The following SNX29 variants were observed in gnomAD, a reference collection of about 807,000 sequenced individuals.
SNX29 encodes sorting nexin-29.
SNX29 carries 78 observed loss-of-function variants against 102.1 expected under a neutral mutation model. The ratio of observed to expected loss-of-function variants is 0.76; its 90% CI spans 0.64 to 0.92. SNX29 has a LOEUF of 0.92. SNX29 is among the 40% of genes least tolerant of loss of function. The pLI, the probability that SNX29 is intolerant of heterozygous loss-of-function variation, is 0.00. For synonymous variants in SNX29, 580 were observed against 414.5 expected (o/e 1.40, Z -4.85); for missense variants, 1,280 against 1,061.7 (o/e 1.21, Z -2.86).
chr16:12,243,035 G>C (rs2078159409), intron 14 of SNX29, among the ~76,000 whole-genome samples: 2 of 152,226 alleles, frequency 1.3e-5, no homozygotes. Context: ...GGCTCCTGGG[G>C]AGTGGCAGTT....
At chr16:12,368,018 C>T (rs2082547758) in intron 16 of SNX29, among the ~76,000 whole-genome samples, 1 of 152,202 alleles carries the variant, frequency 6.6e-6, no homozygotes, top group Non-Finnish European at 1.5e-5. Flanking sequence ...GGCCAAATAC[C>T]CCAAGTGATC....
intron 3 of SNX29, among the ~76,000 whole-genome samples, chr16:12,016,941 A>G (rs1376064305): frequency 6.6e-6 from 1 of 152,074 alleles, no homozygotes; most frequent in South Asian, 2.1e-4. Flanking sequence ...AGCCTGGGCA[A>G]CATAGTGAGA....
intron 14 of SNX29, among the ~76,000 whole-genome samples, chr16:12,201,413 C>G (rs1457896192): frequency 1.3e-5 from 2 of 152,270 alleles, no homozygotes; most frequent in East Asian, 3.9e-4. Context: ...CTCAAATGTA[C>G]TCTGATTTGA....
intron 20 of SNX29, among the ~76,000 whole-genome samples, chr16:12,544,970 G>A (rs534816790): frequency 1.6e-4 from 25 of 152,326 alleles, no homozygotes; most frequent in Admixed American, 2.6e-4. Flanking sequence ...CAGGCTCAGA[G>A]AGATTGAGTA....
chr16:12,365,155 T>C (rs1372206077), intron 16 of SNX29, among the ~76,000 whole-genome samples: 1 of 152,138 alleles, frequency 6.6e-6, no homozygotes, highest in Non-Finnish European at 1.5e-5. Flanking sequence ...TTATTTTATG[T>C]TTTCCAATTT....
intron 13 of SNX29, among the ~76,000 whole-genome samples, chr16:12,154,843 C>G (rs759171709): frequency 6.6e-6 from 1 of 152,188 alleles, no homozygotes; most frequent in Non-Finnish European, 1.5e-5. Flanking sequence ...GCCTCTCTTA[C>G]AAAGGCACGA....
intron 20 of SNX29, among the ~76,000 whole-genome samples, chr16:12,541,882 A>G (rs867463183): frequency 6.6e-6 from 1 of 152,142 alleles, no homozygotes; most frequent in African/African-American, 2.4e-5. Flanking sequence ...TGCTTGATGA[A>G]TGTTTATGAT....
chr16:12,424,843 C>G (rs1251799054), intron 18 of SNX29, among the ~76,000 whole-genome samples: 1 of 152,298 alleles, frequency 6.6e-6, no homozygotes, highest in South Asian at 2.1e-4. Flanking sequence ...AGAGAGTAGA[C>G]TAGCTTCTTG....
chr16:12,331,273 C>G (rs1466492564), intron 15 of SNX29, among the ~76,000 whole-genome samples: 2 of 152,196 alleles, frequency 1.3e-5, no homozygotes, highest in African/African-American at 4.8e-5. Context: ...CAGGACAGAG[C>G]CTTCTCTACG....
chr16:12,198,924 C>T (rs1199332877), intron 13 of SNX29, among the ~76,000 whole-genome samples: 1 of 152,198 alleles, frequency 6.6e-6, no homozygotes, highest in African/African-American at 2.4e-5. Flanking sequence ...GTTTTTCCCC[C>T]TTTGTCCTCA....
At chr16:12,554,726 TTTCA>T (rs2078216009) in intron 20 of SNX29, among the ~76,000 whole-genome samples, 1 of 152,182 alleles carries the variant, frequency 6.6e-6, no homozygotes, top group Admixed American at 6.5e-5. Flanking sequence ...TCTTTCAGTC[TTTCA>T]GTTTGCATTT....
intron 13 of SNX29, among the ~76,000 whole-genome samples, chr16:12,148,963 A>C (rs998143129): frequency 3.9e-5 from 6 of 152,038 alleles, no homozygotes; most frequent in Non-Finnish European, 7.4e-5. Context: ...CAGCCTCCCA[A>C]AGTGCTGGGA....
intron 11 of SNX29, chr16:12,087,986 C>G (rs1340524022): frequency 2.2e-6 from 1 of 456,662 alleles, no homozygotes; most frequent in Non-Finnish European, 4.4e-6. Context: ...AGACCCTGTG[C>G]AGGGGGCCAT....
At chr16:12,306,773 G>A (rs961343415) in intron 15 of SNX29, among the ~76,000 whole-genome samples, 2 of 152,212 alleles carry the variant, frequency 1.3e-5, no homozygotes, top group Non-Finnish European at 2.9e-5. Flanking sequence ...CTAGGGATCC[G>A]ATAGCAAAGG....
At chr16:12,540,640 C>T in intron 20 of SNX29, among the ~76,000 whole-genome samples, 1 of 152,312 alleles carries the variant, frequency 6.6e-6, no homozygotes, top group Non-Finnish European at 1.5e-5. Context: ...GGATCATCTC[C>T]CCATCTCAAA....
chr16:12,540,721 G>A (rs1597836149), intron 20 of SNX29, among the ~76,000 whole-genome samples: 1 of 152,346 alleles, frequency 6.6e-6, no homozygotes, highest in African/African-American at 2.4e-5. Flanking sequence ...CTCCAGGGAT[G>A]AAGAGCTGGG....
At chr16:11,998,782 G>A (rs781236444) in intron 1 of SNX29, among the ~76,000 whole-genome samples, 3 of 152,226 alleles carry the variant, frequency 2.0e-5, no homozygotes, top group Non-Finnish European at 2.9e-5. Context: ...GAGAAGAGGA[G>A]TAATCAGGTT....
chr16:12,043,245 G>C (rs1178500999), intron 5 of SNX29, among the ~76,000 whole-genome samples, 168 bp downstream of exon 5: 2 of 152,182 alleles, frequency 1.3e-5, no homozygotes, highest in Non-Finnish European at 2.9e-5. Context: ...ACTTGGGGGA[G>C]AATCATTGAG....
At chr16:12,195,239 G>A (rs2076744801) in intron 13 of SNX29, among the ~76,000 whole-genome samples, 1 of 152,178 alleles carries the variant, frequency 6.6e-6, no homozygotes, top group Non-Finnish European at 1.5e-5. Flanking sequence ...CAGTCCTATA[G>A]CGTCCTATTA....
Sources: gnomAD v4.1 joint callset for allele counts (sites outside exome capture counted in the v4.1 genomes callset) on GRCh38, gnomAD v4.1.1 for gene constraint, MANE v1.5 for transcripts, NCBI Gene and HGNC (gene_info 2026-07-23, HGNC 2026-07-21) for gene names.